The following NAV2 variants were observed in gnomAD, a reference collection of about 807,000 sequenced individuals.
NAV2 encodes helicase, APC down-regulated 1.
In NAV2, 54 loss-of-function variants were observed where a neutral mutation model predicts 223.2. The ratio of observed to expected loss-of-function variants is 0.24; its 90% CI spans 0.19 to 0.30. NAV2 has a LOEUF of 0.30. NAV2 is among the 10% of genes least tolerant of loss of function. The pLI, the probability that NAV2 is intolerant of heterozygous loss-of-function variation, is 1.00. For missense variants in NAV2, 2,806 were observed against 3,147.5 expected, an observed-to-expected ratio of 0.89 and a Z score of 2.60; for synonymous variants, 1,279 against 1,239.3, an observed-to-expected ratio of 1.03 and a Z score of -0.67.
chr11:19,710,061 G>C (rs962166079), upstream of NAV2, among the ~76,000 whole-genome samples: 4 of 152,156 alleles, frequency 2.6e-5, no homozygotes, highest in African/African-American at 9.6e-5. Context: ...CATATTTGAG[G>C]GTCTCAGAAC....
At chr11:19,977,342 T>C (rs1000527007) in intron 10 of NAV2, among the ~76,000 whole-genome samples, 2 of 152,242 alleles carry the variant, frequency 1.3e-5, no homozygotes, top group African/African-American at 2.4e-5. Flanking sequence ...GAGAAAGGCA[T>C]TGTCACCTTG....
chr11:19,638,054 C>A (rs143003063), intron 1 of NAV2, among the ~76,000 whole-genome samples: 83 of 152,280 alleles, frequency 5.5e-4, no homozygotes, highest in Admixed American at 2.0e-3. Context: ...TATATTGATA[C>A]GTCACTTGTA....
chr11:19,373,779 C>A (rs1354356307), intron 1 of NAV2, among the ~76,000 whole-genome samples: 1 of 152,200 alleles, frequency 6.6e-6, no homozygotes, highest in Non-Finnish European at 1.5e-5. Context: ...AGCCCTGAAC[C>A]TAGAATGTGG....
At chr11:19,847,626 T>C (rs1178297225) in intron 3 of NAV2, among the ~76,000 whole-genome samples, 1 of 152,210 alleles carries the variant, frequency 6.6e-6, no homozygotes, top group African/African-American at 2.4e-5. Flanking sequence ...GTGGGGTTGA[T>C]AATAATACAT....
intron 1 of NAV2, among the ~76,000 whole-genome samples, chr11:19,821,155 G>A (rs1446219975): frequency 6.6e-6 from 1 of 151,556 alleles, no homozygotes; most frequent in Non-Finnish European, 1.5e-5. Context: ...CCAGCTACTT[G>A]GGAGGCTGAG....
chr11:19,515,522 G>A (rs937905909), intron 1 of NAV2, among the ~76,000 whole-genome samples: 1 of 152,176 alleles, frequency 6.6e-6, no homozygotes, highest in Non-Finnish European at 1.5e-5. Context: ...GAACCAGAGA[G>A]CATTTTCCAA....
intron 1 of NAV2, among the ~76,000 whole-genome samples, chr11:19,636,820 A>G (rs1006358579): frequency 2.0e-5 from 3 of 152,166 alleles, no homozygotes; most frequent in Admixed American, 6.5e-5. Context: ...GGATGCTAAA[A>G]CTTCAGACTC....
intron 1 of NAV2, among the ~76,000 whole-genome samples, chr11:19,687,353 T>G (rs1250652595): frequency 6.6e-6 from 1 of 152,248 alleles, no homozygotes; most frequent in Admixed American, 6.5e-5. Flanking sequence ...AGCCATAACC[T>G]GGTTCTGTGC....
rs2059158143 is a variant in NAV2, at chr11:19,817,606, CAA to C, written c.268-14876_268-14875del. Among the ~76,000 whole-genome samples the C allele has an allele frequency of 1.3e-5, 2 of 152,042 alleles. 1 individual carries two copies. On this transcript the variant is annotated intron_variant, in intron 1 of 37. Coordinates refer to ENST00000349880, the MANE Select transcript of NAV2 (RefSeq NM_145117.5). ...GTGTTTGGGAGACCAGTGCCAAAAC[CAA>C]AGACACTCATGTGAAAGGAGGGAGG...
chr11:19,925,127 C>T (rs796197654), intron 6 of NAV2, among the ~76,000 whole-genome samples: 1 of 152,020 alleles, frequency 6.6e-6, no homozygotes, highest in Non-Finnish European at 1.5e-5. Flanking sequence ...TTTTAAAATC[C>T]GGTTGTTTTT....
chr11:19,854,053 G>A (rs2061290345), intron 3 of NAV2, among the ~76,000 whole-genome samples: 1 of 152,180 alleles, frequency 6.6e-6, no homozygotes, highest in African/African-American at 2.4e-5. Flanking sequence ...GGGAAACATA[G>A]CTGTAGATCT....
intron 1 of NAV2, among the ~76,000 whole-genome samples, chr11:19,703,498 G>A (rs1198904389): frequency 3.9e-5 from 6 of 152,204 alleles, no homozygotes; most frequent in Admixed American, 2.6e-4. Context: ...AGGAGCAACC[G>A]GTAGAGTAAC....
chr11:19,704,312 T>G (rs1283534756), intron 1 of NAV2, among the ~76,000 whole-genome samples: 2 of 152,194 alleles, frequency 1.3e-5, no homozygotes, highest in East Asian at 3.9e-4. Flanking sequence ...AGGAGTGCTG[T>G]GGGGATTCAT....
chr11:19,413,786 A>C (rs1850246357), intron 1 of NAV2, among the ~76,000 whole-genome samples: 1 of 152,220 alleles, frequency 6.6e-6, no homozygotes, highest in Non-Finnish European at 1.5e-5. Context: ...TTTTTAAAGA[A>C]AAGAATTTTC....
chr11:19,607,567 T>C (rs898854416), intron 1 of NAV2, among the ~76,000 whole-genome samples: 3 of 152,198 alleles, frequency 2.0e-5, no homozygotes, highest in African/African-American at 7.2e-5. Context: ...TTGTACCCCT[T>C]GCCCCAAAGG....
intron 10 of NAV2, among the ~76,000 whole-genome samples, chr11:19,983,322 C>A (rs916251224): frequency 5.9e-5 from 9 of 152,164 alleles, no homozygotes; most frequent in African/African-American, 2.2e-4. Context: ...TCCTCCCTCT[C>A]AAGAACAGCA....
chr11:19,837,112 T>C (rs2060278600), intron 2 of NAV2, among the ~76,000 whole-genome samples: 1 of 152,214 alleles, frequency 6.6e-6, no homozygotes, highest in Non-Finnish European at 1.5e-5. Flanking sequence ...CTTGGTAGTG[T>C]CATTCCCTGT....
At chr11:19,840,733 TGCC>T (rs2060469226) in intron 2 of NAV2, among the ~76,000 whole-genome samples, 1 of 152,192 alleles carries the variant, frequency 6.6e-6, no homozygotes, top group Non-Finnish European at 1.5e-5. Context: ...GAAGGATAGC[TGCC>T]TGAAAATAGG....
At chr11:19,932,413 G>A (rs2045459249) in intron 6 of NAV2, among the ~76,000 whole-genome samples, 1 of 152,118 alleles carries the variant, frequency 6.6e-6, no homozygotes, top group Admixed American at 6.5e-5. Flanking sequence ...TCAGCTCACT[G>A]CAACCTCTAC....
Sources: allele counts gnomAD v4.1 joint callset (sites outside exome capture counted in the v4.1 genomes callset), GRCh38; gene constraint gnomAD v4.1.1; transcripts MANE v1.5; gene names NCBI Gene and HGNC (gene_info 2026-07-23, HGNC 2026-07-21).